Variants in F3 observed in about 807,000 individuals in gnomAD.
The protein encoded by F3 is coagulation factor III, tissue factor.
A neutral mutation model predicts 33.5 loss-of-function variants in F3; 18 were observed. The observed-to-expected ratio is 0.54, with a 90% CI of 0.37 to 0.80. The LOEUF is 0.80. Ranked by LOEUF, F3 falls within the 30% of genes least tolerant of loss-of-function variation. The probability of loss-of-function intolerance (pLI) is 0.00; values close to 1 mark genes in which losing one functional copy is unlikely to be tolerated. For missense variants in F3, 353 were observed against 362.1 expected, an observed-to-expected ratio of 0.97 and a Z score of 0.20; for synonymous variants, 147 against 140.7, an observed-to-expected ratio of 1.05 and a Z score of -0.32.
chr1:94,533,789 A>G (rs1651506815), intron 3 of F3, among the ~76,000 whole-genome samples: 1 of 151,994 alleles, frequency 6.6e-6, no homozygotes, highest in Non-Finnish European at 1.5e-5. Flanking sequence ...CACTTTATCA[A>G]TAGTAAATAT....
chr1:94,531,099 A>G (rs1395838134), intron 5 of F3, among the ~76,000 whole-genome samples: 1 of 152,092 alleles, frequency 6.6e-6, no homozygotes, highest in East Asian at 1.9e-4. Context: ...ACAAAAGGAG[A>G]GGCAGTGGAA....
intron 5 of F3, among the ~76,000 whole-genome samples, chr1:94,531,739 G>A (rs1420439042): frequency 6.6e-6 from 1 of 152,192 alleles, no homozygotes; most frequent in African/African-American, 2.4e-5. Context: ...TCCGGTTAGG[G>A]ACTGTTCCTC....
intron 5 of F3, 134 bp from the exon 6 acceptor site, chr1:94,530,730 C>G: frequency 9.8e-7 from 1 of 1,016,382 alleles, no homozygotes; most frequent in Non-Finnish European, 1.4e-6. Context: ...CTTTCCACCA[C>G]ACTTACATTA....
intron 4 of F3, among the ~76,000 whole-genome samples, chr1:94,532,816 A>G (rs841694): frequency 0.99 from 150,730 of 152,298 alleles, 74,611 homozygotes; most frequent in East Asian, 1. Context: ...AAATGTGAGC[A>G]TGGCGGGACC....
chr1:94,540,298 C>CTA lies in F3; in HGVS notation c.170_171insTA (p.Trp57CysfsTer15). On this transcript the variant is annotated frameshift_variant, in exon 2 of 6. Coordinates refer to ENST00000334047, the MANE Select transcript of F3 (RefSeq NM_001993.5). LOFTEE classifies it high-confidence loss of function. ...AGACTTGATTGACGGGTTTGGGTTC[C>CTA]CACTCCAAAATTGTCTTGAAATTAG... 1 of 1,613,776 alleles carries CTA rather than the reference C, an allele frequency of 6.2e-7. No individual in the cohort carries two copies. The highest frequency in any genetic ancestry group is 8.5e-7 in the Non-Finnish European group (1 of 1,179,830).
chr1:94,541,512 G>T (rs1570868789), intron 1 of F3, 25 bp downstream of exon 1: 1 of 1,448,130 alleles, frequency 6.9e-7, no homozygotes, highest in Non-Finnish European at 9.1e-7. Flanking sequence ...CGCGCCCCGG[G>T]CTTCCAGGGG....
chr1:94,537,795 AG>A (rs1651658064), intron 2 of F3, among the ~76,000 whole-genome samples: 1 of 152,216 alleles, frequency 6.6e-6, no homozygotes, highest in South Asian at 2.1e-4. Context: ...ATGTGATAAA[AG>A]TAGAGAGGGT....
chr1:94,539,906 C>G (rs1309712751), intron 2 of F3, among the ~76,000 whole-genome samples: 4 of 152,212 alleles, frequency 2.6e-5, no homozygotes, highest in African/African-American at 9.7e-5. Flanking sequence ...TAGACAGCAA[C>G]AGAAAAAGAC....
chr1:94,532,328 T>C lies in F3; in HGVS notation c.744A>G (p.Glu248=). ...GCTGGCAGAGCCACTCACCTCTGAATTCCCCTTTCTCCTGGCCCATACACT... is the reference window on the plus strand; with the variant it reads ...GCTGGCAGAGCCACTCACCTCTGAACTCCCCTTTCTCCTGGCCCATACACT... The part of the protein sequence containing the change: ...PVECMGQEKG[E]FREIFYIIGA... Residue 248 remains glutamate, a synonymous_variant, in exon 5 of 6, where the codon GAA becomes GAG. Coordinates refer to ENST00000334047, the MANE Select transcript of F3 (RefSeq NM_001993.5). 1 of 1,613,844 alleles carries C rather than the reference T, an allele frequency of 6.2e-7. No homozygotes were observed. The highest frequency in any genetic ancestry group is 1.1e-5 in the South Asian group (1 of 90,884).
chr1:94,539,242 C>T (rs1651699527), intron 2 of F3, among the ~76,000 whole-genome samples: 1 of 151,860 alleles, frequency 6.6e-6, no homozygotes, highest in Non-Finnish European at 1.5e-5. Flanking sequence ...CTTTCTCTCC[C>T]CCCACCCCCA....
intron 5 of F3, among the ~76,000 whole-genome samples, chr1:94,530,846 G>A (rs1469997235): frequency 6.6e-6 from 1 of 152,216 alleles, no homozygotes; most frequent in Non-Finnish European, 1.5e-5. Flanking sequence ...GAAAAGATAT[G>A]TAGTTGGAGG....
intron 2 of F3, 79 bp downstream of exon 2, chr1:94,540,178 G>T: frequency 1.1e-6 from 1 of 924,406 alleles, no homozygotes; most frequent in Non-Finnish European, 1.7e-6. Flanking sequence ...CCAGTAATCA[G>T]CTTTAAAGAC....
At chr1:94,538,911 T>C (rs941726356) in intron 2 of F3, among the ~76,000 whole-genome samples, 4 of 152,226 alleles carry the variant, frequency 2.6e-5, no homozygotes, top group South Asian at 2.1e-4. Flanking sequence ...CTCTGCTGTT[T>C]GCAGATCAGG....
At chr1:94,540,227 C>T (rs1230268036) in intron 2 of F3, 30 bp downstream of exon 2, 2 of 1,415,460 alleles carry the variant, frequency 1.4e-6, no homozygotes, top group East Asian at 4.6e-5. Context: ...CATCAAAGAC[C>T]TTAATTTTCT....
At position 94,530,231 on chromosome 1, in the gene F3, A is replaced by T. The variant is rs1651379191; in HGVS notation, c.*229T>A. On this transcript the variant is annotated 3_prime_UTR_variant, in exon 6 of 6. Transcript: ENST00000334047. ...GTGCAAAAGGTGCCATGGTGTTAAA[A>T]ATTAAAACTTGGAATTGGTTGTAGT... The T allele has an allele frequency of 2.2e-6, 1 of 461,204 alleles. No homozygotes were observed. The highest frequency in any genetic ancestry group is 3.6e-5 in the Admixed American group (1 of 27,704). 28.6% of individuals were successfully genotyped at this position (461,204 alleles called of 1,614,324 possible). A position where few individuals can be genotyped will look rare whatever the true frequency, so the allele number is the denominator to read the frequency against.
intron 4 of F3, among the ~76,000 whole-genome samples, 182 bp from the exon 5 acceptor site, chr1:94,532,662 T>C (rs576147831): frequency 2.6e-5 from 4 of 152,208 alleles, no homozygotes; most frequent in Non-Finnish European, 5.9e-5. Flanking sequence ...AAAATGCCTT[T>C]TCCAAGACTG....
chr1:94,535,650 G>C (rs543804918), intron 3 of F3, among the ~76,000 whole-genome samples: 1 of 152,104 alleles, frequency 6.6e-6, no homozygotes, highest in South Asian at 2.1e-4. Flanking sequence ...GGCCTTGGTG[G>C]ATTTCCTATC....
At chr1:94,535,002 G>T (rs751285880) in intron 3 of F3, among the ~76,000 whole-genome samples, 1 of 152,014 alleles carries the variant, frequency 6.6e-6, no homozygotes, top group Non-Finnish European at 1.5e-5. Flanking sequence ...GGGTCTGGAG[G>T]GTCTTGCAAA....
Position 94,530,478 on chromosome 1 carries a change from G to A in F3, c.870C>T (p.Ser290=), listed in dbSNP as rs374984884. The A allele has an allele frequency of 1.1e-5, 18 of 1,613,962 alleles. No homozygotes were observed. The highest frequency in any genetic ancestry group is 1.4e-5 in the Non-Finnish European group (17 of 1,180,026). Residue 290 remains serine (S), a synonymous_variant, in exon 6 of 6, where the codon TCC becomes TCT. Transcript: ENST00000334047. ...GCTTCCTTTATGAAACATTCAGTGG[G>A]GAGTTCTCCTTCCAGCTCTGCCCCA... The part of the protein sequence containing the change: ...AGVGQSWKEN[S]PLNVS
Sources: allele counts gnomAD v4.1 joint callset (sites outside exome capture counted in the v4.1 genomes callset), GRCh38; gene constraint gnomAD v4.1.1; transcripts MANE v1.5; gene names NCBI Gene and HGNC (gene_info 2026-07-23, HGNC 2026-07-21).